The following MAN1A2 variants were observed in gnomAD, a reference collection of about 807,000 sequenced individuals.
The protein encoded by MAN1A2 is mannosyl-oligosaccharide 1,2-alpha-mannosidase IB.
A neutral mutation model predicts 75.7 loss-of-function variants in MAN1A2; 26 were observed. The observed-to-expected ratio is 0.34, with a 90% CI of 0.25 to 0.48. The LOEUF (loss-of-function observed/expected upper bound fraction) is 0.48. MAN1A2 is among the 20% of genes least tolerant of loss of function. The pLI is 0.99. For synonymous variants in MAN1A2, 247 were observed against 264.6 expected (o/e 0.93, Z 0.65); for missense variants, 562 against 775.5 (o/e 0.72, Z 3.27).
rs1287596975 is a variant in MAN1A2, at chr1:117,523,450, A to G, written c.*493A>G. ...GAATGAACTAAAATAAACAAGAACA[A>G]AAGAATAGTATAATTATATCAGTAA... is the stretch of plus-strand genomic sequence containing the variant. On this transcript the variant is annotated 3_prime_UTR_variant, in exon 13 of 13. Transcript: ENST00000356554. 2 of 320,450 alleles carry G rather than the reference A, an allele frequency of 6.2e-6. No individual in the cohort carries two copies. The highest frequency in any genetic ancestry group is 1.6e-4 in the East Asian group (2 of 12,174). 19.9% of individuals were successfully genotyped at this position (320,450 alleles called of 1,614,324 possible). A position where few individuals can be genotyped will look rare whatever the true frequency, so the allele number is the denominator to read the frequency against.
chr1:117,425,207 G>A (rs1320022041), intron 5 of MAN1A2, among the ~76,000 whole-genome samples: 1 of 151,934 alleles, frequency 6.6e-6, no homozygotes, highest in African/African-American at 2.4e-5. Flanking sequence ...TCTATAAAAA[G>A]ATGCAAAGTT....
chr1:117,369,091 A>G (rs1006444293), intron 1 of MAN1A2, among the ~76,000 whole-genome samples: 8 of 152,200 alleles, frequency 5.3e-5, no homozygotes, highest in Non-Finnish European at 1.2e-4. Flanking sequence ...CAGTTAAGTT[A>G]AAAGGTATTG....
At position 117,454,389 on chromosome 1, in the gene MAN1A2, G is replaced by A. The variant is rs1649514949; in HGVS notation, c.951-6100G>A. On this transcript the variant is annotated intron_variant, in intron 6 of 12. Transcript: ENST00000356554. ...AAAAGTTAAACAGCCAGAGAAGAAA[G>A]GCATTTACATTGGGGAACCAAAATA... Among the ~76,000 whole-genome samples the A allele has an allele frequency of 2.0e-5, 3 of 152,162 alleles. No homozygotes were observed. In the East Asian group the frequency reaches 5.8e-4, roughly 29 times the overall value.
intron 5 of MAN1A2, among the ~76,000 whole-genome samples, chr1:117,433,893 ACTAC>A (rs1425874880): frequency 6.6e-6 from 1 of 152,162 alleles, no homozygotes; most frequent in African/African-American, 2.4e-5. Context: ...TAATTTGCAT[ACTAC>A]CTGAGTAACA....
intron 6 of MAN1A2, among the ~76,000 whole-genome samples, chr1:117,459,931 G>T (rs533520596): frequency 7.8e-4 from 118 of 152,184 alleles, no homozygotes; most frequent in African/African-American, 2.5e-3. Flanking sequence ...TATAACTTTG[G>T]ACCTGGCACA....
intron 5 of MAN1A2, among the ~76,000 whole-genome samples, chr1:117,441,897 C>G (rs1305650924): frequency 6.6e-6 from 1 of 152,130 alleles, no homozygotes; most frequent in Non-Finnish European, 1.5e-5. Flanking sequence ...ATATTTTGAA[C>G]TAAACCTGTT....
rs557008171 is a variant in MAN1A2, at chr1:117,398,923, G to A, written c.303-3263G>A. Among the ~76,000 whole-genome samples, 5 of 152,296 alleles carry A rather than the reference G, an allele frequency of 3.3e-5. No homozygotes were observed. In the East Asian group the frequency reaches 9.7e-4, roughly 29 times the overall value. ...TATGGATGGAGAATAGCTTGTGGGTGGGTTGGAGAGTGGTTGGAGAGTGAA... is the reference window on the plus strand; with the variant it reads ...TATGGATGGAGAATAGCTTGTGGGTAGGTTGGAGAGTGGTTGGAGAGTGAA... On this transcript the variant is annotated intron_variant, in intron 1 of 12. Coordinates refer to ENST00000356554, the MANE Select transcript of MAN1A2 (RefSeq NM_006699.5).
At chr1:117,513,051 T>G (rs1332953611) in intron 12 of MAN1A2, among the ~76,000 whole-genome samples, 4 of 152,284 alleles carry the variant, frequency 2.6e-5, no homozygotes, top group Middle Eastern at 3.4e-3. Flanking sequence ...TGTTTAAGCC[T>G]GGGTAAACAT....
At chr1:117,396,796 T>A (rs990560774) in intron 1 of MAN1A2, among the ~76,000 whole-genome samples, 1 of 152,192 alleles carries the variant, frequency 6.6e-6, no homozygotes, top group African/African-American at 2.4e-5. Flanking sequence ...TACATGTGTA[T>A]AGAACATTAC....
At chr1:117,369,025 A>G (rs908296219) in intron 1 of MAN1A2, among the ~76,000 whole-genome samples, 1 of 152,172 alleles carries the variant, frequency 6.6e-6, no homozygotes, top group Non-Finnish European at 1.5e-5. Context: ...TTAACGTGAA[A>G]ATATCCTGAT....
In MAN1A2 at chr1:117,493,223, A is replaced by G; in HGVS notation, c.1245A>G (p.Thr415=). Residue 415 remains threonine (T), a synonymous_variant, in exon 9 of 13, where the codon ACA becomes ACG. Coordinates refer to ENST00000356554, the MANE Select transcript of MAN1A2 (RefSeq NM_006699.5). ...LLKAWLMSDK[T]DHEARKMYDD... ...AAGCATGGTTGATGTCAGATAAAAC[A>G]GACCATGAGGCAAGAAAGATGTATG... is the stretch of plus-strand genomic sequence containing the variant. The G allele has an allele frequency of 2.5e-6, 4 of 1,612,288 alleles. No homozygotes were observed. The highest frequency in any genetic ancestry group is 3.4e-6 in the Non-Finnish European group (4 of 1,178,862).
intron 6 of MAN1A2, among the ~76,000 whole-genome samples, chr1:117,452,435 A>G (rs1213942851): frequency 6.6e-6 from 1 of 152,240 alleles, no homozygotes; most frequent in Non-Finnish European, 1.5e-5. Context: ...TTGTGAATGC[A>G]AAGGAAGAGT....
At chr1:117,511,718 C>T (rs1435113753) in intron 12 of MAN1A2, among the ~76,000 whole-genome samples, 4 of 152,036 alleles carry the variant, frequency 2.6e-5, no homozygotes, top group Admixed American at 2.6e-4. Flanking sequence ...GTGTTTAAGG[C>T]ATTACCTGAT....
chr1:117,368,505 T>C lies in MAN1A2; in HGVS notation c.302+20T>C. The C allele has an allele frequency of 6.3e-7, 1 of 1,576,870 alleles. No homozygotes were observed. The highest frequency in any genetic ancestry group is 8.6e-7 in the Non-Finnish European group (1 of 1,164,082). ...ACACAGGTTTGTTTATTTCAGAAGT[T>C]CTGGTACTAACATTTGGCAGAGCAA... On this transcript the variant is annotated intron_variant, in intron 1 of 12. Coordinates refer to ENST00000356554, the MANE Select transcript of MAN1A2 (RefSeq NM_006699.5).
At chr1:117,421,744 CAT>C (rs1381799659) in intron 5 of MAN1A2, among the ~76,000 whole-genome samples, 6 of 151,688 alleles carry the variant, frequency 4.0e-5, no homozygotes, top group Non-Finnish European at 8.8e-5. Flanking sequence ...ATACCTCTAA[CAT>C]ATATTTCTAT....
intron 12 of MAN1A2, among the ~76,000 whole-genome samples, chr1:117,511,571 C>CT (rs1487117315): frequency 6.6e-6 from 1 of 151,954 alleles, no homozygotes; most frequent in Admixed American, 6.6e-5. Context: ...TCCCCAGCAC[C>CT]TAGCACATGA....
chr1:117,508,017 C>T (rs1052238826), intron 12 of MAN1A2, among the ~76,000 whole-genome samples: 1 of 151,658 alleles, frequency 6.6e-6, no homozygotes, highest in Non-Finnish European at 1.5e-5. Flanking sequence ...GAATGAATAT[C>T]TCCCACGTGG....
At chr1:117,482,179 A>G (rs1433050325) in intron 8 of MAN1A2, among the ~76,000 whole-genome samples, 2 of 151,440 alleles carry the variant, frequency 1.3e-5, no homozygotes, top group African/African-American at 2.4e-5. Context: ...ATCATTTACA[A>G]CTCACCGTAT....
intron 7 of MAN1A2, among the ~76,000 whole-genome samples, chr1:117,463,913 A>T (rs1415164722): frequency 6.6e-6 from 1 of 152,218 alleles, no homozygotes; most frequent in African/African-American, 2.4e-5. Flanking sequence ...TAAAAACTGA[A>T]TTACTTACAT....
Sources: gnomAD v4.1 joint callset for allele counts (sites outside exome capture counted in the v4.1 genomes callset) on GRCh38, gnomAD v4.1.1 for gene constraint, MANE v1.5 for transcripts, NCBI Gene and HGNC (gene_info 2026-07-23, HGNC 2026-07-21) for gene names.